The following PDE1A variants were observed in gnomAD, a reference collection of about 807,000 sequenced individuals.
PDE1A encodes the protein phosphodiesterase 1A, also known as dual specificity calcium/calmodulin-dependent 3',5'-cyclic nucleotide phosphodiesterase 1A.
Under a neutral mutation model 61.7 loss-of-function variants are expected in PDE1A, and 35 were observed. The observed-to-expected ratio is 0.57, with a 90% CI of 0.43 to 0.75. The LOEUF is 0.75. PDE1A is among the 30% of genes least tolerant of loss of function. The pLI is 0.00. For synonymous variants in PDE1A, 232 were observed against 213.2 expected (o/e 1.09, Z -0.77); for missense variants, 597 against 630.6 (o/e 0.95, Z 0.57).
intron 2 of PDE1A, among the ~76,000 whole-genome samples, chr2:182,254,876 T>C (rs546064643): frequency 1.3e-5 from 2 of 152,286 alleles, no homozygotes; most frequent in East Asian, 3.9e-4. Context: ...ATGACTTAAA[T>C]AGAGTTGACC....
chr2:182,307,017 C>A (rs1320151082), intron 1 of PDE1A, among the ~76,000 whole-genome samples: 2 of 152,062 alleles, frequency 1.3e-5, no homozygotes, highest in Non-Finnish European at 2.9e-5. Flanking sequence ...AGAGAACCTA[C>A]CAACTGGGAG....
the PDE1A span, among the ~76,000 whole-genome samples, chr2:182,611,128 C>G: frequency 6.6e-6 from 1 of 152,174 alleles, no homozygotes; most frequent in East Asian, 1.9e-4. Flanking sequence ...TTCTCTATCT[C>G]CCTGAACCTC....
chr2:182,342,908 A>T (rs562583095), intron 1 of PDE1A, among the ~76,000 whole-genome samples: 4 of 152,330 alleles, frequency 2.6e-5, no homozygotes, highest in South Asian at 4.1e-4. Flanking sequence ...ATAATAAGAC[A>T]CTTTCTCTGT....
chr2:182,193,185 A>G (rs1264941174), intron 10 of PDE1A, among the ~76,000 whole-genome samples: 1 of 151,890 alleles, frequency 6.6e-6, no homozygotes, highest in African/African-American at 2.4e-5. Flanking sequence ...ACAGGGTTTC[A>G]CCATATTGGC....
At chr2:182,316,812 A>G (rs1306346125) in intron 1 of PDE1A, among the ~76,000 whole-genome samples, 2 of 152,172 alleles carry the variant, frequency 1.3e-5, no homozygotes, top group African/African-American at 4.8e-5. Flanking sequence ...TTGAAAATTG[A>G]AGGTAAAAAC....
At chr2:182,247,832 T>C (rs1574140508) in intron 2 of PDE1A, among the ~76,000 whole-genome samples, 1 of 152,230 alleles carries the variant, frequency 6.6e-6, no homozygotes, top group Non-Finnish European at 1.5e-5. Flanking sequence ...AAGAAATTTG[T>C]GCAAGGAGGA....
intron 2 of PDE1A, among the ~76,000 whole-genome samples, chr2:182,488,056 G>T (rs1280417281): frequency 6.6e-6 from 1 of 152,098 alleles, no homozygotes; most frequent in Non-Finnish European, 1.5e-5. Context: ...GAACAAAAAA[G>T]TATAAGTTGA....
At chr2:182,285,631 A>T (rs548937553) in intron 1 of PDE1A, among the ~76,000 whole-genome samples, 1 of 152,154 alleles carries the variant, frequency 6.6e-6, no homozygotes, top group Non-Finnish European at 1.5e-5. Context: ...ACTTTGGCCA[A>T]TGGAAAGTCA....
At chr2:182,628,379 T>C in the PDE1A span, among the ~76,000 whole-genome samples, 1 of 152,224 alleles carries the variant, frequency 6.6e-6, no homozygotes, top group African/African-American at 2.4e-5. Context: ...ATTTGGCATA[T>C]ACCTCATAAT....
upstream of PDE1A, among the ~76,000 whole-genome samples, chr2:182,527,320 A>T (rs1559543362): frequency 6.7e-5 from 3 of 44,760 alleles, no homozygotes; most frequent in African/African-American, 1.9e-4. Context: ...AAAAAAAAAA[A>T]AAAAAAAATA....
the PDE1A span, among the ~76,000 whole-genome samples, chr2:182,689,528 A>G: frequency 1.3e-5 from 2 of 152,254 alleles, no homozygotes; most frequent in Non-Finnish European, 2.9e-5. Context: ...CATTTAAAGC[A>G]GTGTGTAGAG....
At chr2:182,659,124 G>A in the PDE1A span, among the ~76,000 whole-genome samples, 1 of 152,110 alleles carries the variant, frequency 6.6e-6, no homozygotes, top group Non-Finnish European at 1.5e-5. Flanking sequence ...CTCTCTATTT[G>A]TAAGTTCCAT....
the PDE1A span, among the ~76,000 whole-genome samples, chr2:182,612,051 A>G: frequency 6.6e-6 from 1 of 152,218 alleles, no homozygotes; most frequent in Non-Finnish European, 1.5e-5. Context: ...ACTCAAATAT[A>G]CTTTGCAGCA....
At chr2:182,318,758 T>C (rs907914833) in intron 1 of PDE1A, among the ~76,000 whole-genome samples, 2 of 152,170 alleles carry the variant, frequency 1.3e-5, no homozygotes, top group African/African-American at 2.4e-5. Context: ...TTCTAAAATT[T>C]TGCAGAACAC....
intron 7 of PDE1A, among the ~76,000 whole-genome samples, chr2:182,220,938 G>T (rs545959513): frequency 1.3e-3 from 202 of 151,932 alleles, no homozygotes; most frequent in African/African-American, 4.7e-3. Context: ...TTTGGTTCAT[G>T]GAATTTTCAA....
intron 1 of PDE1A, among the ~76,000 whole-genome samples, chr2:182,295,580 A>C (rs1288276089): frequency 1.3e-5 from 2 of 152,198 alleles, no homozygotes; most frequent in Admixed American, 1.3e-4. Context: ...TCTACGGATT[A>C]ATAGTCTTCA....
intron 2 of PDE1A, among the ~76,000 whole-genome samples, chr2:182,438,154 G>A (rs1684560912): frequency 6.6e-6 from 1 of 151,836 alleles, no homozygotes; most frequent in African/African-American, 2.4e-5. Context: ...CCCTGAGCTG[G>A]TAAAAGTAAA....
chr2:182,508,311 A>G (rs1689547805), intron 2 of PDE1A, among the ~76,000 whole-genome samples: 1 of 152,110 alleles, frequency 6.6e-6, no homozygotes, highest in Non-Finnish European at 1.5e-5. Context: ...AAAACATTCC[A>G]TCAAAGACCA....
intron 2 of PDE1A, among the ~76,000 whole-genome samples, chr2:182,480,799 A>G (rs1430203036): frequency 6.6e-6 from 1 of 151,666 alleles, no homozygotes; most frequent in Non-Finnish European, 1.5e-5. Flanking sequence ...ACACAAACAC[A>G]CTCCCACCTA....
Sources: allele counts gnomAD v4.1 joint callset (sites outside exome capture counted in the v4.1 genomes callset), GRCh38; gene constraint gnomAD v4.1.1; transcripts MANE v1.5; gene names NCBI Gene and HGNC (gene_info 2026-07-23, HGNC 2026-07-21).